Variants in FYN observed in about 807,000 individuals in gnomAD.
FYN encodes the protein FYN proto-oncogene, Src family tyrosine kinase.
FYN carries 10 observed loss-of-function variants against 70.2 expected under a neutral mutation model. That is an observed-to-expected ratio of 0.14 (90% CI 0.09 to 0.24). The LOEUF is 0.24. Among genes scored for constraint, FYN ranks in the 10% least tolerant of loss-of-function variants. The pLI, the probability that FYN is intolerant of heterozygous loss-of-function variation, is 1.00. For synonymous variants in FYN, 236 were observed against 248.6 expected (o/e 0.95, Z 0.48); for missense variants, 319 against 673.1 (o/e 0.47, Z 5.82).
intron 6 of FYN, among the ~76,000 whole-genome samples, chr6:111,705,798 G>A (rs1001280744): frequency 6.6e-6 from 1 of 152,106 alleles, no homozygotes; most frequent in Non-Finnish European, 1.5e-5. Context: ...GCAGTGAGCT[G>A]AGACAGGGCC....
intron 3 of FYN, among the ~76,000 whole-genome samples, chr6:111,731,624 A>G (rs1801459547): frequency 1.3e-5 from 2 of 152,178 alleles, no homozygotes; most frequent in Non-Finnish European, 2.9e-5. Flanking sequence ...GTGGTGTAGA[A>G]TTTCAAAGCT....
chr6:111,802,206 T>C (rs1441284168), intron 2 of FYN, among the ~76,000 whole-genome samples: 1 of 152,048 alleles, frequency 6.6e-6, no homozygotes, highest in East Asian at 1.9e-4. Context: ...GATCTGGTCA[T>C]TTCAAAGCAT....
rs180744407 is a variant in FYN, at chr6:111,698,940, G to A, written c.862+1164C>T. 2.0e-5 allele frequency among the ~76,000 whole-genome samples: 3 copies of A among 152,214 alleles called. 1 individual carries two copies. Among genetic ancestry groups the A allele is most frequent in the African/African-American group, 7.2e-5 (3 of 41,540 alleles). On this transcript the variant is annotated intron_variant, in intron 9 of 13. Transcript: ENST00000354650. ...TCTACTAAAAATACAAAAATTAGCT[G>A]GGCGTGGTGGCAGGCACCTGTAATC...
At chr6:111,668,852 G>A (rs1231739437) in intron 13 of FYN, among the ~76,000 whole-genome samples, 5 of 152,188 alleles carry the variant, frequency 3.3e-5, no homozygotes, top group Non-Finnish European at 4.4e-5. Flanking sequence ...GCTTTCATTC[G>A]GCTTCCCAGT....
In FYN at chr6:111,694,277, T is replaced by G; in HGVS notation, c.1273+98A>C. On this transcript the variant is annotated intron_variant, in intron 12 of 13. Coordinates refer to ENST00000354650, the MANE Select transcript of FYN (RefSeq NM_002037.5). The surrounding 1 kb of genome is among the most constrained non-coding windows in gnomAD (Gnocchi z 5.0). ...AGCTGAAGAATGACATTTCAAGTAT[T>G]TTCTGAAGGAAGGGAAGGGAAGGAG... 1 of 1,459,446 alleles carries G rather than the reference T, an allele frequency of 6.9e-7. No homozygotes were observed. The highest frequency in any genetic ancestry group is 9.4e-7 in the Non-Finnish European group (1 of 1,061,940). The allele number at this position is 1,459,446 out of a possible 1,614,324, so 90.4% of individuals were successfully genotyped here. A position where few individuals can be genotyped will look rare whatever the true frequency, so the allele number is the denominator to read the frequency against.
intron 5 of FYN, among the ~76,000 whole-genome samples, chr6:111,708,534 A>AG (rs1300701679): frequency 6.6e-6 from 1 of 152,294 alleles, no homozygotes; most frequent in East Asian, 1.9e-4. Context: ...AGGTCTGATG[A>AG]GGGATGAAGG....
At chr6:111,675,814 AAAATAAATAAAT>A (rs571127025) in intron 12 of FYN, among the ~76,000 whole-genome samples, 3 of 151,118 alleles carry the variant, frequency 2.0e-5, no homozygotes, top group African/African-American at 4.9e-5. Flanking sequence ...AAATAAAATA[AAAATAAATAAAT>A]AAATAAATAA....
At chr6:111,751,164 C>T (rs1414578493) in intron 3 of FYN, among the ~76,000 whole-genome samples, 2 of 152,154 alleles carry the variant, frequency 1.3e-5, no homozygotes, top group Non-Finnish European at 2.9e-5. Flanking sequence ...ATTTTGGGGG[C>T]ACTGGGGACA....
intron 2 of FYN, among the ~76,000 whole-genome samples, chr6:111,844,400 A>G (rs1414625900): frequency 6.6e-6 from 1 of 152,248 alleles, no homozygotes; most frequent in South Asian, 2.1e-4. Flanking sequence ...TGCACATCCT[A>G]TATTAGATTC....
intron 12 of FYN, among the ~76,000 whole-genome samples, chr6:111,679,753 G>A (rs143066916): frequency 1.0e-3 from 156 of 152,208 alleles, no homozygotes; most frequent in African/African-American, 3.6e-3. Context: ...TAAAACACCT[G>A]GAGAACCCTG....
intron 3 of FYN, among the ~76,000 whole-genome samples, chr6:111,760,982 T>C (rs889081181): frequency 1.3e-5 from 2 of 152,120 alleles, no homozygotes; most frequent in African/African-American, 4.8e-5. Context: ...TGCAACCAAA[T>C]TGTATAATTT....
chr6:111,863,908 C>G (rs1774032969), intron 1 of FYN, among the ~76,000 whole-genome samples: 1 of 152,146 alleles, frequency 6.6e-6, no homozygotes, highest in Admixed American at 6.5e-5. Context: ...AGTTGGGACT[C>G]CCTATGTTTG....
chr6:111,744,907 G>C (rs1802140345), intron 3 of FYN, among the ~76,000 whole-genome samples: 2 of 152,148 alleles, frequency 1.3e-5, no homozygotes, highest in African/African-American at 2.4e-5. Context: ...TTATGCAGAG[G>C]AGAGGTAGAA....
intron 2 of FYN, among the ~76,000 whole-genome samples, chr6:111,781,680 G>A (rs1026826501): frequency 6.6e-6 from 1 of 152,168 alleles, no homozygotes; most frequent in Admixed American, 6.5e-5. Context: ...CCATTGTCAA[G>A]GGCAGGGGCT....
chr6:111,678,733 A>G (rs529456192), intron 12 of FYN, among the ~76,000 whole-genome samples: 1 of 152,262 alleles, frequency 6.6e-6, no homozygotes, highest in East Asian at 1.9e-4. Context: ...GACTTTGTAA[A>G]CCACCCAGTT....
At chr6:111,807,862 C>T (rs1241653522) in intron 2 of FYN, among the ~76,000 whole-genome samples, 2 of 152,122 alleles carry the variant, frequency 1.3e-5, no homozygotes, top group Non-Finnish European at 2.9e-5. Flanking sequence ...GTAATCCCAG[C>T]ACTTTGGGAG....
intron 1 of FYN, among the ~76,000 whole-genome samples, chr6:111,859,027 C>T (rs1215292594): frequency 6.6e-6 from 1 of 152,064 alleles, no homozygotes; most frequent in Non-Finnish European, 1.5e-5. Context: ...AAAACCACCC[C>T]TGCATCAGCA....
intron 13 of FYN, among the ~76,000 whole-genome samples, chr6:111,670,603 T>G (rs767127106): frequency 7.0e-6 from 1 of 143,454 alleles, no homozygotes; most frequent in Non-Finnish European, 1.5e-5. Flanking sequence ...ATTTGTGGAA[T>G]GACTACAGAA....
intron 2 of FYN, among the ~76,000 whole-genome samples, chr6:111,836,321 T>C (rs1047455993): frequency 6.6e-6 from 1 of 152,240 alleles, no homozygotes; most frequent in East Asian, 1.9e-4. Context: ...AGCTGAGATA[T>C]GGAGTGATAC....
Sources: allele counts gnomAD v4.1 joint callset (sites outside exome capture counted in the v4.1 genomes callset), GRCh38; gene constraint gnomAD v4.1.1; non-coding constraint Gnocchi (gnomAD v3.1); transcripts MANE v1.5; gene names NCBI Gene and HGNC (gene_info 2026-07-23, HGNC 2026-07-21).